Variants in CDH13 observed in about 807,000 individuals in gnomAD.
CDH13 encodes the protein cadherin 13.
In CDH13, 24 loss-of-function variants were observed where a neutral mutation model predicts 63.8. The ratio of observed to expected loss-of-function variants is 0.38; its 90% confidence interval spans 0.27 to 0.53. CDH13 has a LOEUF of 0.53. Ranked by LOEUF, CDH13 falls within the 20% of genes least tolerant of loss-of-function variation. The probability of loss-of-function intolerance (pLI) is 0.85; values close to 1 mark genes in which losing one functional copy is unlikely to be tolerated. For missense variants in CDH13, 1,049 were observed against 903.1 expected, an observed-to-expected ratio of 1.16 and a Z score of -2.07; for synonymous variants, 503 against 355.3, an observed-to-expected ratio of 1.42 and a Z score of -4.67.
At chr16:83,386,694 CA>C (rs1447269917) in intron 6 of CDH13, among the ~76,000 whole-genome samples, 2 of 152,256 alleles carry the variant, frequency 1.3e-5, no homozygotes, top group East Asian at 3.9e-4. Flanking sequence ...TTCCATCATA[CA>C]ATTAGTTTTG....
At chr16:83,139,539 T>A (rs1232152714) in intron 4 of CDH13, among the ~76,000 whole-genome samples, 1 of 152,226 alleles carries the variant, frequency 6.6e-6, no homozygotes, top group Non-Finnish European at 1.5e-5. Context: ...AACTTGAAAT[T>A]CATCACAAGT....
intron 4 of CDH13, among the ~76,000 whole-genome samples, chr16:83,126,283 C>T (rs536243190): frequency 1.3e-5 from 2 of 152,270 alleles, no homozygotes; most frequent in South Asian, 2.1e-4. Context: ...GGTTTTTATC[C>T]CTCACGTGGT....
intron 8 of CDH13, among the ~76,000 whole-genome samples, chr16:83,619,759 C>G (rs1050370555): frequency 6.6e-5 from 10 of 152,236 alleles, no homozygotes; most frequent in Admixed American, 2.0e-4. Context: ...CTCGCTGTAA[C>G]TTGATTCTCT....
At chr16:82,775,362 C>T (rs1039305031) in intron 1 of CDH13, among the ~76,000 whole-genome samples, 7 of 152,184 alleles carry the variant, frequency 4.6e-5, no homozygotes, top group Non-Finnish European at 1.0e-4. Context: ...AGTTATATTA[C>T]TTACCAGCTG....
At chr16:83,071,983 T>C (rs11642608) in intron 3 of CDH13, among the ~76,000 whole-genome samples, 3 of 152,098 alleles carry the variant, frequency 2.0e-5, no homozygotes, top group African/African-American at 7.2e-5. Context: ...AAAGCACATA[T>C]GCAATTCTAA....
chr16:83,488,441 G>C lies in CDH13; in HGVS notation c.960+1786G>C, dbSNP rs534678164. On this transcript the variant is annotated intron_variant, in intron 7 of 13. Transcript: ENST00000567109. ...CTTACATAAGCTGTGAGAAACAGAA[G>C]CTAGAAATAGGTAATTATTGAAAGG... 1.3e-5 allele frequency among the ~76,000 whole-genome samples: 2 copies of C among 152,266 alleles called. 1 individual carries two copies. Among genetic ancestry groups the C allele is most frequent in the South Asian group, 4.2e-4 (2 of 4,818 alleles).
intron 8 of CDH13, among the ~76,000 whole-genome samples, chr16:83,629,909 G>C (rs527812611): frequency 1.3e-5 from 2 of 152,368 alleles, no homozygotes; most frequent in Admixed American, 6.5e-5. Context: ...CATTCAGGTA[G>C]ATGGGACAGT....
At chr16:83,077,215 C>G (rs1325269790) in intron 3 of CDH13, among the ~76,000 whole-genome samples, 2 of 66,862 alleles carry the variant, frequency 3.0e-5, no homozygotes, top group Non-Finnish European at 5.1e-5. Context: ...TTTTTTGAGA[C>G]AGAGTCTCAC....
At chr16:82,658,826 A>T (rs1911598654) in intron 1 of CDH13, among the ~76,000 whole-genome samples, 6 of 152,220 alleles carry the variant, frequency 3.9e-5, no homozygotes, top group Admixed American at 3.9e-4. Context: ...CCATAGAAGA[A>T]AACATACATT....
At chr16:83,365,625 A>T (rs1176875493) in intron 6 of CDH13, among the ~76,000 whole-genome samples, 1 of 152,186 alleles carries the variant, frequency 6.6e-6, no homozygotes, top group Non-Finnish European at 1.5e-5. Flanking sequence ...AGCTGACCTT[A>T]AAACAAGGAG....
chr16:83,298,323 C>A (rs571878245), intron 5 of CDH13, among the ~76,000 whole-genome samples: 23 of 151,960 alleles, frequency 1.5e-4, no homozygotes, highest in Non-Finnish European at 3.4e-4. Flanking sequence ...AACATCAGTG[C>A]AGGTAAAATA....
At chr16:83,065,701 C>T (rs1260444049) in intron 3 of CDH13, among the ~76,000 whole-genome samples, 1 of 134,110 alleles carries the variant, frequency 7.5e-6, no homozygotes, top group Non-Finnish European at 1.5e-5. Context: ...CGAGATTTGT[C>T]TCAAAAAAAA....
At chr16:83,764,164 C>A (rs1489963954) in intron 11 of CDH13, among the ~76,000 whole-genome samples, 1 of 152,194 alleles carries the variant, frequency 6.6e-6, no homozygotes, top group Non-Finnish European at 1.5e-5. Context: ...ATTACAGAAT[C>A]ATGAGTGCTG....
chr16:83,369,297 A>T (rs926714657), intron 6 of CDH13, among the ~76,000 whole-genome samples: 3 of 152,072 alleles, frequency 2.0e-5, no homozygotes, highest in African/African-American at 7.2e-5. Flanking sequence ...CTCTCCAACA[A>T]ACAAGTCACC....
rs9927838 is a variant in CDH13 at position 82,893,622 on chromosome 16, G to C, written c.157+35149G>C. Among the ~76,000 whole-genome samples the C allele has an allele frequency of 4.5e-3, 693 of 152,326 alleles. 2 individuals carry two copies. The highest frequency in any genetic ancestry group is 0.016 in the African/African-American group (661 of 41,572). ...TTTAGAATATGGGTTGGATATGCTTGCCAGGTCTGGGCTATTCCCTGCTGC... is the reference window on the plus strand; with the variant it reads ...TTTAGAATATGGGTTGGATATGCTTCCCAGGTCTGGGCTATTCCCTGCTGC... On this transcript the variant is annotated intron_variant, in intron 2 of 13. Coordinates refer to ENST00000567109, the MANE Select transcript of CDH13 (RefSeq NM_001257.5).
At chr16:83,505,830 C>G (rs2074382952) in intron 7 of CDH13, among the ~76,000 whole-genome samples, 1 of 152,130 alleles carries the variant, frequency 6.6e-6, no homozygotes, top group South Asian at 2.1e-4. Flanking sequence ...TTAAAGAGAT[C>G]CAGGAAGCAG....
intron 2 of CDH13, among the ~76,000 whole-genome samples, chr16:82,866,072 C>G (rs1024358764): frequency 2.0e-5 from 3 of 152,174 alleles, no homozygotes; most frequent in African/African-American, 7.2e-5. Flanking sequence ...TGCTAAAGTA[C>G]AGCAGGAATT....
chr16:83,080,618 G>A (rs961290803), intron 3 of CDH13, among the ~76,000 whole-genome samples: 1 of 152,076 alleles, frequency 6.6e-6, no homozygotes, highest in African/African-American at 2.4e-5. Context: ...CCTGTCCAGT[G>A]TCCACAGCTC....
At chr16:83,630,104 C>T (rs893874495) in intron 8 of CDH13, among the ~76,000 whole-genome samples, 9 of 152,140 alleles carry the variant, frequency 5.9e-5, no homozygotes, top group Non-Finnish European at 1.3e-4. Flanking sequence ...TGAAAACCCA[C>T]GTGTTGATCT....
Sources: allele counts gnomAD v4.1 joint callset (sites outside exome capture counted in the v4.1 genomes callset), GRCh38; gene constraint gnomAD v4.1.1; transcripts MANE v1.5; gene names NCBI Gene and HGNC (gene_info 2026-07-23, HGNC 2026-07-21).